PKHD1L1: variants seen among roughly 807,000 people sequenced by gnomAD.
The protein encoded by PKHD1L1 is PKHD1 like 1.
PKHD1L1 carries 434 observed loss-of-function variants against 462.9 expected under a neutral mutation model. The ratio of observed to expected loss-of-function variants is 0.94; its 90% CI spans 0.87 to 1.02. The LOEUF is 1.02. Ranked by LOEUF, PKHD1L1 falls within the 50% of genes least tolerant of loss-of-function variation. The pLI is 0.00. For synonymous variants in PKHD1L1, 1,781 were observed against 1,750.0 expected (o/e 1.02, Z -0.44); for missense variants, 5,202 against 5,096.1 (o/e 1.02, Z -0.63).
At chr8:109,490,579 T>C (rs1818776344) in intron 60 of PKHD1L1, among the ~76,000 whole-genome samples, 1 of 151,732 alleles carries the variant, frequency 6.6e-6, no homozygotes, top group African/African-American at 2.4e-5. Flanking sequence ...GACATTTGAA[T>C]AGTAACTCCT....
In PKHD1L1 at chr8:109,507,883, G is replaced by C; in HGVS notation, c.11215G>C (p.Ala3739Pro). 1.2e-6 allele frequency: 2 copies of C among 1,613,444 alleles called. No homozygotes were observed. Among genetic ancestry groups the C allele is most frequent in the South Asian group, 1.1e-5 (1 of 91,058 alleles). The change falls in exon 69 of 78, where the codon GCA becomes CCA. Residue 3739 changes from alanine (A) to proline (P), a missense_variant. Ala to Pro is a conservative substitution (Grantham distance 27). Transcript: ENST00000378402. ...AAGTAGAATTCCTGTCACTGAGAAA[G>C]CACCTCATAAAGGTTTGTTGGATCT... ...NGSRIPVTEK[A>P]PHKGIIRDST...
intron 23 of PKHD1L1, among the ~76,000 whole-genome samples, chr8:109,422,669 G>A (rs1334608521): frequency 2.0e-5 from 3 of 152,074 alleles, no homozygotes; most frequent in African/African-American, 7.2e-5. Context: ...GAATTAAACC[G>A]CTATGAACAT....
chr8:109,422,382 T>C (rs1203716236), intron 23 of PKHD1L1, among the ~76,000 whole-genome samples: 1 of 152,196 alleles, frequency 6.6e-6, no homozygotes. Context: ...CCTCCTGCAC[T>C]CACTTATATA....
rs777191851 is a variant in PKHD1L1, at chr8:109,408,177, C to A, written c.1942C>A (p.Pro648Thr). 1 of 1,612,712 alleles carries A rather than the reference C, an allele frequency of 6.2e-7. No individual in the cohort carries two copies. Among genetic ancestry groups the A allele is most frequent in the African/African-American group, 1.3e-5 (1 of 74,932 alleles). Residue 648 changes from proline to threonine, a missense_variant, in exon 18 of 78, where the codon CCA (proline) becomes ACA (threonine). By Grantham distance (38) the Pro-to-Thr change is conservative. Around this residue, in one of 3 missense-constraint regions of PKHD1L1, gnomAD observed 4,497 missense variants for 4,336.8 expected, o/e 1.04. Coordinates refer to ENST00000378402, the MANE Select transcript of PKHD1L1 (RefSeq NM_177531.6). The part of the protein sequence containing the change: ...TLNWDGIASK[P>T]LTLWSSEAEF... The stretch of plus-strand genomic sequence containing the variant: ...GAATTGGGATGGGATCGCTTCTAAG[C>A]CACTCACTCTATGGTCATCAGAAGC...
chr8:109,424,279 G>C (rs1036956202), intron 23 of PKHD1L1, among the ~76,000 whole-genome samples: 1 of 152,074 alleles, frequency 6.6e-6, no homozygotes, highest in African/African-American at 2.4e-5. Context: ...ATATACTGTA[G>C]TTTCATTCTC....
At chr8:109,382,044 T>C (rs1188902877) in intron 3 of PKHD1L1, among the ~76,000 whole-genome samples, 1 of 152,114 alleles carries the variant, frequency 6.6e-6, no homozygotes, top group Admixed American at 6.6e-5. Flanking sequence ...GGATTTCATT[T>C]ATCTTAGGCC....
At chr8:109,417,845 T>C (rs13264951) in intron 21 of PKHD1L1, among the ~76,000 whole-genome samples, 79,524 of 152,094 alleles carry the variant, frequency 0.52, 20,920 homozygotes, top group South Asian at 0.62. Context: ...CCACTGCACC[T>C]GGTCTCTAAC....
At chr8:109,521,312 A>C (rs904881691) in intron 73 of PKHD1L1, among the ~76,000 whole-genome samples, 2 of 152,182 alleles carry the variant, frequency 1.3e-5, no homozygotes, top group African/African-American at 2.4e-5. Context: ...CAGGATACCT[A>C]GGAACAAGGG....
chr8:109,459,027 G>A (rs1304281950), intron 46 of PKHD1L1, among the ~76,000 whole-genome samples: 1 of 152,120 alleles, frequency 6.6e-6, no homozygotes, highest in Non-Finnish European at 1.5e-5. Context: ...GACCTCCTAA[G>A]CTTCAACTCA....
intron 6 of PKHD1L1, among the ~76,000 whole-genome samples, chr8:109,386,222 T>TTA (rs1812435997): frequency 6.6e-6 from 1 of 152,204 alleles, no homozygotes; most frequent in African/African-American, 2.4e-5. Context: ...ATTGTCCACA[T>TTA]TTTGGACTAA....
chr8:109,513,950 A>C (rs1469029165), intron 71 of PKHD1L1, among the ~76,000 whole-genome samples: 1 of 152,074 alleles, frequency 6.6e-6, no homozygotes, highest in Non-Finnish European at 1.5e-5. Flanking sequence ...AGATACCGTG[A>C]AAATATGTCA....
At chr8:109,477,738 C>A (rs910002838) in intron 53 of PKHD1L1, among the ~76,000 whole-genome samples, 3 of 152,176 alleles carry the variant, frequency 2.0e-5, no homozygotes, top group Non-Finnish European at 2.9e-5. Context: ...TCACTGATGG[C>A]ATATCCAGTA....
intron 2 of PKHD1L1, among the ~76,000 whole-genome samples, chr8:109,373,778 G>A (rs1038787237): frequency 2.0e-5 from 3 of 152,168 alleles, no homozygotes; most frequent in African/African-American, 7.2e-5. Flanking sequence ...TAGTCATTCA[G>A]GAGCAGGTTG....
chr8:109,523,310 T>C lies in PKHD1L1; in HGVS notation c.12408T>C (p.Asn4136=). The change falls in exon 76 of 78, where the codon AAT becomes AAC. Residue 4136 remains asparagine, a synonymous_variant. Coordinates refer to ENST00000378402, the MANE Select transcript of PKHD1L1 (RefSeq NM_177531.6). Reference sequence around the variant, plus strand: ...AGGACTCCAATAATAACCAAGTCAATGGCCTTAGTGGAAATACAACAATTC... The same window carrying C: ...AGGACTCCAATAATAACCAAGTCAACGGCCTTAGTGGAAATACAACAATTC... The part of the protein sequence containing the change: ...ILKDSNNNQV[N]GLSGNTTIPF... The C allele has an allele frequency of 6.2e-7, 1 of 1,612,544 alleles. No individual in the cohort carries two copies. The highest frequency in any genetic ancestry group is 8.5e-7 in the Non-Finnish European group (1 of 1,178,886).
intron 21 of PKHD1L1, among the ~76,000 whole-genome samples, chr8:109,415,864 G>GGTGGGTGTGT: frequency 1.0e-5 from 1 of 100,420 alleles, no homozygotes; most frequent in African/African-American, 3.5e-5. Flanking sequence ...AAAAAAAAGG[G>GGTGGGTGTGT]GTGTGTGTGT....
rs780200582 is a variant in PKHD1L1 at position 109,504,334 on chromosome 8, A to G, written c.10836A>G (p.Thr3612=). ...CTATTATTTATGTTTTAGGTTCAAC[A>G]TTTGTTGGATTTAAGAATGTTTGTT... ...ISGLLDISGS[T]FVGFKNVCSG... is the part of the protein sequence containing the mutation. The change falls in exon 68 of 78, where the codon ACA becomes ACG. Residue 3612 remains threonine, a synonymous_variant. Transcript: ENST00000378402. 3.5e-6 allele frequency: 5 copies of G among 1,428,324 alleles called. No homozygotes were observed. Among genetic ancestry groups the G allele is most frequent in the Non-Finnish European group, 4.7e-6 (5 of 1,061,182 alleles). The allele number at this position is 1,428,324 out of a possible 1,614,324, so 88.5% of individuals were successfully genotyped here.
intron 2 of PKHD1L1, among the ~76,000 whole-genome samples, chr8:109,377,416 A>T (rs1367799990): frequency 6.6e-6 from 1 of 152,178 alleles, no homozygotes; most frequent in Non-Finnish European, 1.5e-5. Flanking sequence ...GTAGGTAATT[A>T]AATTCTGAAA....
intron 71 of PKHD1L1, among the ~76,000 whole-genome samples, chr8:109,513,710 G>T (rs1239922850): frequency 7.2e-5 from 11 of 152,012 alleles, no homozygotes; most frequent in African/African-American, 2.2e-4. Flanking sequence ...CTTCGCTCCA[G>T]ACAAAACCTT....
chr8:109,465,617 A>C (rs756783551), intron 49 of PKHD1L1, among the ~76,000 whole-genome samples: 1 of 152,116 alleles, frequency 6.6e-6, no homozygotes, highest in African/African-American at 2.4e-5. Flanking sequence ...TTACATCACT[A>C]CCCTAATTTT....
Sources: gnomAD v4.1 joint callset for allele counts (sites outside exome capture counted in the v4.1 genomes callset) on GRCh38, gnomAD v4.1.1 for gene constraint, gnomAD v4.1.1 regional missense constraint, MANE v1.5 for transcripts, NCBI Gene and HGNC (gene_info 2026-07-23, HGNC 2026-07-21) for gene names.